Variants in GLYATL2 observed in about 807,000 individuals in gnomAD.
GLYATL2 encodes the protein glycine N-acyltransferase-like protein 2.
In GLYATL2, 25 loss-of-function variants were observed where a neutral mutation model predicts 21.4. That is an observed-to-expected ratio of 1.17 (90% CI 0.85 to 1.63). The LOEUF (loss-of-function observed/expected upper bound fraction) is 1.63, where lower values mean the gene tolerates loss of function less well. Ranked by LOEUF, GLYATL2 falls within the 40% of genes most tolerant of loss-of-function variation. The pLI is 0.00. For synonymous variants in GLYATL2, 114 were observed against 118.2 expected, an observed-to-expected ratio of 0.96 and a Z score of 0.23; for missense variants, 361 against 343.3, an observed-to-expected ratio of 1.05 and a Z score of -0.41.
chr11:58,840,696 G>C (rs1412977384), intron 1 of GLYATL2: 1 of 151,838 alleles, frequency 6.6e-6, no homozygotes, highest in African/African-American at 2.4e-5. Flanking sequence ...AAAACTACCT[G>C]GGTGTGGTGG....
intron 1 of GLYATL2, among the ~76,000 whole-genome samples, chr11:58,898,572 C>T (rs191633998): frequency 4.0e-5 from 6 of 151,848 alleles, no homozygotes; most frequent in South Asian, 4.2e-4. Flanking sequence ...CAGTGACTGA[C>T]GCCTGTAATC....
At chr11:58,890,252 G>C (rs1854517491) in intron 1 of GLYATL2, among the ~76,000 whole-genome samples, 1 of 152,120 alleles carries the variant, frequency 6.6e-6, no homozygotes, top group Admixed American at 6.6e-5. Flanking sequence ...ACTGTGGAAA[G>C]TAGTCTGGAA....
At chr11:58,867,283 A>G (rs1036769093) in intron 1 of GLYATL2, among the ~76,000 whole-genome samples, 4 of 149,050 alleles carry the variant, frequency 2.7e-5, no homozygotes, top group African/African-American at 9.7e-5. Flanking sequence ...CATGCAATAC[A>G]ATTGTTCTAC....
At chr11:58,909,015 C>T (rs1399628055), upstream of GLYATL2, among the ~76,000 whole-genome samples, 1 of 152,128 alleles carries the variant, frequency 6.6e-6, no homozygotes, top group Admixed American at 6.5e-5. Context: ...GAACCCAGGC[C>T]ATCAGACTGC....
chr11:58,888,365 T>A (rs948045192), intron 1 of GLYATL2, among the ~76,000 whole-genome samples: 3 of 152,184 alleles, frequency 2.0e-5, no homozygotes, highest in East Asian at 1.9e-4. Context: ...TTGTTTTTTT[T>A]ATTAATAATT....
intron 1 of GLYATL2, among the ~76,000 whole-genome samples, chr11:58,872,497 A>G (rs1287313084): frequency 2.0e-5 from 3 of 152,346 alleles, no homozygotes; most frequent in East Asian, 3.9e-4. Context: ...TCAGCTTTCT[A>G]CATATGGCTA....
intron 1 of GLYATL2, among the ~76,000 whole-genome samples, chr11:58,876,232 C>T (rs1037134360): frequency 1.8e-4 from 27 of 152,238 alleles, no homozygotes; most frequent in African/African-American, 5.5e-4. Flanking sequence ...GCCATTGGTT[C>T]TAACTTCCTC....
rs192302806 is a variant in GLYATL2, at chr11:58,881,414, C to T, written n.60+22742G>A. ...CTAAGAATTCTGAATGTTATTTCAA[C>T]GGAAGTTTACAGATATGTGTCAAAA... is the stretch of plus-strand genomic sequence containing the variant. On this transcript the variant is annotated intron_variant and non_coding_transcript_variant, in intron 1 of 4. Coordinates refer to the GLYATL2 transcript ENST00000533636. Among the ~76,000 whole-genome samples, 386 of 152,122 alleles carry T rather than the reference C, an allele frequency of 2.5e-3. 4 individuals are homozygous for T. Among genetic ancestry groups the T allele is most frequent in the African/African-American group, 7.5e-3 (312 of 41,494 alleles).
chr11:58,869,711 T>C (rs967425224), intron 1 of GLYATL2, among the ~76,000 whole-genome samples: 22 of 152,194 alleles, frequency 1.4e-4, no homozygotes, highest in Non-Finnish European at 1.5e-4. Context: ...GTACAAAGTA[T>C]TTTTCATGTT....
At chr11:58,884,335 T>C (rs1343369058) in intron 1 of GLYATL2, among the ~76,000 whole-genome samples, 1 of 152,056 alleles carries the variant, frequency 6.6e-6, no homozygotes, top group Non-Finnish European at 1.5e-5. Context: ...CAGGGAAAAA[T>C]CTTAAGCTGT....
intron 1 of GLYATL2, among the ~76,000 whole-genome samples, chr11:58,853,761 A>T (rs1256738674): frequency 6.6e-6 from 1 of 152,236 alleles, no homozygotes; most frequent in Non-Finnish European, 1.5e-5. Flanking sequence ...TACATTGTAA[A>T]ATGGCACAAT....
chr11:58,844,909 G>C (rs1230097643), upstream of GLYATL2: 1 of 152,140 alleles, frequency 6.6e-6, no homozygotes, highest in Non-Finnish European at 1.5e-5. Flanking sequence ...ACCATTTGTG[G>C]CTTGGAAAAA....
upstream of GLYATL2, chr11:58,907,715 A>G: frequency 1.5e-5 from 3 of 198,200 alleles, no homozygotes; most frequent in South Asian, 2.7e-4. Flanking sequence ...TTAATTTCAC[A>G]ACTTTGGGTG....
chr11:58,867,316 A>G (rs1854039776), intron 1 of GLYATL2, among the ~76,000 whole-genome samples: 2 of 149,364 alleles, frequency 1.3e-5, no homozygotes, highest in Non-Finnish European at 3.0e-5. Flanking sequence ...TACAGGAATT[A>G]TAAAGCATTA....
intron 1 of GLYATL2, among the ~76,000 whole-genome samples, chr11:58,889,093 A>G (rs1286726196): frequency 6.6e-6 from 1 of 151,788 alleles, no homozygotes; most frequent in Admixed American, 6.6e-5. Flanking sequence ...GTGGTAAACT[A>G]TGTGATTTTC....
chr11:58,856,477 T>A (rs600215), intron 1 of GLYATL2, among the ~76,000 whole-genome samples: 1 of 152,170 alleles, frequency 6.6e-6, no homozygotes, highest in Admixed American at 6.5e-5. Context: ...ACCTAGCTTT[T>A]GGACTGTCTT....
At chr11:58,837,689 A>G (rs1853464650) in intron 3 of GLYATL2, among the ~76,000 whole-genome samples, 1 of 152,200 alleles carries the variant, frequency 6.6e-6, no homozygotes. Context: ...TTAAAAGTGA[A>G]GGTGCCTAAG....
intron 1 of GLYATL2, among the ~76,000 whole-genome samples, chr11:58,881,435 C>T (rs1265277306): frequency 6.6e-6 from 1 of 152,030 alleles, no homozygotes; most frequent in African/African-American, 2.4e-5. Flanking sequence ...AGATATGTGT[C>T]AAAATTATTC....
chr11:58,856,045 C>T (rs1179513107), intron 1 of GLYATL2, among the ~76,000 whole-genome samples: 2 of 152,080 alleles, frequency 1.3e-5, no homozygotes, highest in African/African-American at 2.4e-5. Flanking sequence ...GGAGGAGAAT[C>T]GCTTGAGCCC....
Sources: allele counts gnomAD v4.1 joint callset (sites outside exome capture counted in the v4.1 genomes callset), GRCh38; gene constraint gnomAD v4.1.1; transcripts MANE v1.5; gene names NCBI Gene and HGNC (gene_info 2026-07-23, HGNC 2026-07-21).